CACNB2: variants seen among roughly 807,000 people sequenced by gnomAD.
The protein encoded by CACNB2 is calcium voltage-gated channel auxiliary subunit beta 2.
In CACNB2, 42 loss-of-function variants were observed where a neutral mutation model predicts 73.3. The observed-to-expected ratio is 0.57, with a 90% CI of 0.45 to 0.74. CACNB2 has a LOEUF of 0.74. Ranked by LOEUF, CACNB2 falls within the 30% of genes least tolerant of loss-of-function variation. CACNB2 has a pLI of 0.00. For synonymous variants in CACNB2, 348 were observed against 310.3 expected (o/e 1.12, Z -1.28); for missense variants, 940 against 853.0 (o/e 1.10, Z -1.27).
intron 2 of CACNB2, among the ~76,000 whole-genome samples, chr10:18,280,058 A>C (rs1296018941): frequency 6.6e-6 from 1 of 152,176 alleles, no homozygotes; most frequent in Non-Finnish European, 1.5e-5. Flanking sequence ...CAGCCTGGGC[A>C]ACAGAGTGAG....
chr10:18,495,797 T>C (rs1589543128), intron 3 of CACNB2, among the ~76,000 whole-genome samples: 1 of 152,206 alleles, frequency 6.6e-6, no homozygotes, highest in Middle Eastern at 3.4e-3. Flanking sequence ...ATTGTAGCTC[T>C]GGAAGTAAAC....
chr10:18,160,321 A>G (rs372878146), intron 2 of CACNB2, among the ~76,000 whole-genome samples: 4 of 152,158 alleles, frequency 2.6e-5, no homozygotes, highest in African/African-American at 9.6e-5. Flanking sequence ...ATGTTTGCGT[A>G]TATACTTTTC....
chr10:18,222,583 G>T (rs749595512), intron 2 of CACNB2, among the ~76,000 whole-genome samples: 1 of 152,188 alleles, frequency 6.6e-6, no homozygotes, highest in Non-Finnish European at 1.5e-5. Flanking sequence ...GATGCCTGCT[G>T]AGATATTCAT....
At chr10:18,389,195 G>A (rs931139763) in intron 2 of CACNB2, among the ~76,000 whole-genome samples, 3 of 152,198 alleles carry the variant, frequency 2.0e-5, no homozygotes, top group Non-Finnish European at 2.9e-5. Flanking sequence ...CTGGATTGCA[G>A]TGGCATGATC....
intron 1 of CACNB2, among the ~76,000 whole-genome samples, chr10:18,150,613 A>G (rs1413625117): frequency 1.3e-5 from 2 of 152,208 alleles, no homozygotes; most frequent in Non-Finnish European, 2.9e-5. Flanking sequence ...CGGTGAGCCA[A>G]GATGGTGCCA....
At chr10:18,294,799 G>A (rs138161186) in intron 2 of CACNB2, among the ~76,000 whole-genome samples, 1 of 152,248 alleles carries the variant, frequency 6.6e-6, no homozygotes, top group Non-Finnish European at 1.5e-5. Context: ...TCAGTTTCCT[G>A]TGTCTCTTGT....
chr10:18,316,695 A>G (rs949429785), intron 2 of CACNB2, among the ~76,000 whole-genome samples: 3 of 152,046 alleles, frequency 2.0e-5, no homozygotes, highest in African/African-American at 7.2e-5. Context: ...CCCCTGGGCT[A>G]AAGCAATCCA....
intron 2 of CACNB2, among the ~76,000 whole-genome samples, chr10:18,170,536 AG>A (rs2033152509): frequency 6.6e-6 from 1 of 152,222 alleles, no homozygotes; most frequent in African/African-American, 2.4e-5. Context: ...ATGCATTCAG[AG>A]TCATGTGTAC....
At chr10:18,142,771 C>T (rs151064175) in intron 1 of CACNB2, among the ~76,000 whole-genome samples, 1 of 152,120 alleles carries the variant, frequency 6.6e-6, no homozygotes, top group African/African-American at 2.4e-5. Flanking sequence ...GGAAATGATT[C>T]TGATGTGAAA....
At chr10:18,223,190 C>G (rs375694146) in intron 2 of CACNB2, among the ~76,000 whole-genome samples, 4 of 152,080 alleles carry the variant, frequency 2.6e-5, no homozygotes, top group Admixed American at 2.6e-4. Context: ...GATTTTGATG[C>G]CTTTTGCTTA....
intron 3 of CACNB2, among the ~76,000 whole-genome samples, chr10:18,404,974 A>G (rs746674794): frequency 7.9e-5 from 12 of 152,168 alleles, no homozygotes; most frequent in Non-Finnish European, 1.3e-4. Context: ...TCTGGTTCCA[A>G]ATGTGTGTTT....
At chr10:18,499,440 C>A (rs1038509824) in intron 4 of CACNB2, among the ~76,000 whole-genome samples, 3 of 151,784 alleles carry the variant, frequency 2.0e-5, no homozygotes, top group South Asian at 4.2e-4. Context: ...ACATGGTGAA[C>A]CCCGTCTCCA....
chr10:18,320,945 A>C lies in CACNB2; in HGVS notation c.214-80979A>C, dbSNP rs147913818. Among the ~76,000 whole-genome samples the C allele has an allele frequency of 2.7e-3, 411 of 152,318 alleles. 3 individuals carry two copies. Among genetic ancestry groups the C allele is most frequent in the African/African-American group, 9.3e-3 (388 of 41,580 alleles). ...ATAATTGTCTTACTTAACTAACTTG[A>C]TTTGCAGGTAGAACTACTGATGATA... On this transcript the variant is annotated intron_variant, in intron 2 of 13. Transcript: ENST00000324631.
At chr10:18,449,053 G>A (rs1405173868) in intron 3 of CACNB2, among the ~76,000 whole-genome samples, 1 of 152,204 alleles carries the variant, frequency 6.6e-6, no homozygotes, top group Non-Finnish European at 1.5e-5. Context: ...TGGTAATGGT[G>A]TTGGGGCAGC....
intron 3 of CACNB2, among the ~76,000 whole-genome samples, chr10:18,461,567 G>T (rs2047577643): frequency 6.6e-6 from 1 of 151,796 alleles, no homozygotes; most frequent in Non-Finnish European, 1.5e-5. Flanking sequence ...AGGTGGGGAG[G>T]GGGTGGGAGA....
intron 2 of CACNB2, among the ~76,000 whole-genome samples, chr10:18,270,302 C>T (rs1450113669): frequency 6.6e-6 from 1 of 152,134 alleles, no homozygotes; most frequent in Non-Finnish European, 1.5e-5. Flanking sequence ...CCCACTGGGT[C>T]CCTCCCTCGA....
chr10:18,162,927 A>G (rs1408391222), intron 2 of CACNB2, among the ~76,000 whole-genome samples: 2 of 152,120 alleles, frequency 1.3e-5, no homozygotes, highest in Non-Finnish European at 2.9e-5. Flanking sequence ...GGGATGGTAA[A>G]TACCGGTAGG....
At chr10:18,330,888 C>T (rs1481737433) in intron 2 of CACNB2, among the ~76,000 whole-genome samples, 13 of 151,092 alleles carry the variant, frequency 8.6e-5, no homozygotes, top group South Asian at 2.1e-4. Flanking sequence ...AGGCTGGTCT[C>T]GAACTCCTGG....
At chr10:18,268,248 C>G (rs2037898792) in intron 2 of CACNB2, among the ~76,000 whole-genome samples, 1 of 152,170 alleles carries the variant, frequency 6.6e-6, no homozygotes, top group Non-Finnish European at 1.5e-5. Flanking sequence ...GCTCTTTGCC[C>G]AAGGCTATTC....
Sources: gnomAD v4.1 joint callset for allele counts (sites outside exome capture counted in the v4.1 genomes callset) on GRCh38, gnomAD v4.1.1 for gene constraint, MANE v1.5 for transcripts, NCBI Gene and HGNC (gene_info 2026-07-23, HGNC 2026-07-21) for gene names.